The following SBF2 variants were observed in gnomAD, a reference collection of about 807,000 sequenced individuals.
SBF2 encodes the protein myotubularin-related protein 13.
Under a neutral mutation model 225.2 loss-of-function variants are expected in SBF2, and 112 were observed. The observed-to-expected ratio is 0.50, with a 90% confidence interval of 0.43 to 0.58. The LOEUF (loss-of-function observed/expected upper bound fraction) is 0.58, where lower values mean the gene tolerates loss of function less well. Ranked by LOEUF, SBF2 falls within the 20% of genes least tolerant of loss-of-function variation. The pLI is 0.00. For synonymous variants in SBF2, 763 were observed against 773.3 expected (o/e 0.99, Z 0.22); for missense variants, 1,996 against 2,206.2 (o/e 0.90, Z 1.91).
chr11:10,172,349 T>C (rs1223498219), intron 2 of SBF2, among the ~76,000 whole-genome samples: 1 of 152,020 alleles, frequency 6.6e-6, no homozygotes, highest in Admixed American at 6.6e-5. Flanking sequence ...ATTGTTTGTT[T>C]CAAAAAAAAA....
chr11:10,085,695 TAGC>T (rs1565212911), intron 2 of SBF2, among the ~76,000 whole-genome samples: 1 of 152,202 alleles, frequency 6.6e-6, no homozygotes, highest in African/African-American at 2.4e-5. Context: ...CTGTAATTTT[TAGC>T]AGCAGATTTC....
intron 1 of SBF2, among the ~76,000 whole-genome samples, chr11:10,238,182 G>T (rs1959154063): frequency 6.6e-6 from 1 of 152,178 alleles, no homozygotes. Flanking sequence ...ATGGAAGCAG[G>T]AAGACTGCTT....
At chr11:10,140,719 G>C (rs937347208) in intron 2 of SBF2, among the ~76,000 whole-genome samples, 1 of 152,166 alleles carries the variant, frequency 6.6e-6, no homozygotes, top group Non-Finnish European at 1.5e-5. Flanking sequence ...GTTTGGACTT[G>C]AGAGTGGCAT....
At chr11:9,796,084 C>A in intron 32 of SBF2, 127 bp from the exon 33 acceptor site, 1 of 931,722 alleles carries the variant, frequency 1.1e-6, no homozygotes, top group East Asian at 2.6e-5. Flanking sequence ...ATACCTGAAT[C>A]CCTACCATAA....
In SBF2 at chr11:9,928,923, C is replaced by G. The variant is rs1218798418; in HGVS notation, c.1861-32912G>C. On this transcript the variant is annotated intron_variant, in intron 16 of 39. Coordinates refer to ENST00000256190, the MANE Select transcript of SBF2 (RefSeq NM_030962.4). ...AATGATGTTAGATAAAAATTAAATT[C>G]AAGCAATTTTCTTGTTCGAGTTCAA... 2.0e-5 allele frequency: 8 copies of G among 404,232 alleles called. No homozygotes were observed. The East Asian group carries it at 5.2e-4, about 26-fold the overall frequency. The allele number at this position is 404,232 out of a possible 1,614,324, so 25.0% of individuals were successfully genotyped here. A position where few individuals can be genotyped will look rare whatever the true frequency, so the allele number is the denominator to read the frequency against.
At chr11:10,057,583 T>C (rs904114151) in intron 2 of SBF2, among the ~76,000 whole-genome samples, 27 of 152,124 alleles carry the variant, frequency 1.8e-4, no homozygotes, top group Admixed American at 1.2e-3. Flanking sequence ...GGGTGGAGCC[T>C]CCAGGAGTCA....
At chr11:9,949,018 C>T (rs1222862568) in intron 16 of SBF2, among the ~76,000 whole-genome samples, 2 of 152,026 alleles carry the variant, frequency 1.3e-5, no homozygotes, top group Non-Finnish European at 2.9e-5. Flanking sequence ...CATTACTTCT[C>T]TCCCTGAGCC....
At chr11:10,072,382 C>A (rs1950917368) in intron 2 of SBF2, among the ~76,000 whole-genome samples, 1 of 152,074 alleles carries the variant, frequency 6.6e-6, no homozygotes, top group African/African-American at 2.4e-5. Context: ...CTCTCAGGCC[C>A]AACAACCTAC....
chr11:9,974,338 G>A (rs960220076), intron 13 of SBF2, among the ~76,000 whole-genome samples: 11 of 152,094 alleles, frequency 7.2e-5, no homozygotes, highest in African/African-American at 2.7e-4. Context: ...ATGTTTAGAA[G>A]TATCTTTGGC....
chr11:10,257,840 T>C (rs1264963716), intron 1 of SBF2, among the ~76,000 whole-genome samples: 1 of 151,346 alleles, frequency 6.6e-6, no homozygotes, highest in Non-Finnish European at 1.5e-5. Flanking sequence ...CTATAAAAAC[T>C]AGAAAAATTA....
intron 2 of SBF2, among the ~76,000 whole-genome samples, chr11:10,193,598 C>A (rs57458435): frequency 0.011 from 1,623 of 152,102 alleles, 35 homozygotes; most frequent in African/African-American, 0.037. Context: ...GTAATCCGCC[C>A]GCCTTGGCCT....
At chr11:9,973,575 G>A (rs977655024) in intron 13 of SBF2, among the ~76,000 whole-genome samples, 3 of 152,106 alleles carry the variant, frequency 2.0e-5, no homozygotes, top group African/African-American at 7.2e-5. Context: ...TGCTTTAAGA[G>A]TATACTTTAG....
At chr11:10,087,433 A>G (rs1253639961) in intron 2 of SBF2, among the ~76,000 whole-genome samples, 1 of 152,216 alleles carries the variant, frequency 6.6e-6, no homozygotes, top group Non-Finnish European at 1.5e-5. Flanking sequence ...CAGCCAGTGA[A>G]TATTCTGCAA....
At chr11:9,855,272 C>G (rs185030614) in intron 19 of SBF2, among the ~76,000 whole-genome samples, 118 of 152,258 alleles carry the variant, frequency 7.7e-4, no homozygotes, top group Non-Finnish European at 2.4e-4. Flanking sequence ...AATGCTGATT[C>G]CAAGTTGTCT....
intron 28 of SBF2, among the ~76,000 whole-genome samples, chr11:9,820,621 C>G (rs1428400802): frequency 6.6e-6 from 1 of 152,194 alleles, no homozygotes; most frequent in South Asian, 2.1e-4. Context: ...CATTTCCTTA[C>G]CTGACACATT....
At chr11:10,075,857 A>C (rs1204306527) in intron 2 of SBF2, among the ~76,000 whole-genome samples, 2 of 152,186 alleles carry the variant, frequency 1.3e-5, no homozygotes, top group Non-Finnish European at 2.9e-5. Context: ...CCTGAGACAT[A>C]AAGGATGGGA....
At chr11:9,975,873 A>G (rs903320887) in intron 13 of SBF2, among the ~76,000 whole-genome samples, 5 of 150,968 alleles carry the variant, frequency 3.3e-5, no homozygotes, top group African/African-American at 1.2e-4. Flanking sequence ...AGTGTAGATG[A>G]CATGTAGTGA....
At chr11:9,821,169 G>C (rs1330386193) in intron 28 of SBF2, among the ~76,000 whole-genome samples, 1 of 152,192 alleles carries the variant, frequency 6.6e-6, no homozygotes, top group African/African-American at 2.4e-5. Flanking sequence ...ACATGTGCTT[G>C]TGAGGGCAGG....
chr11:10,262,945 A>G (rs1189247110), intron 1 of SBF2, among the ~76,000 whole-genome samples: 1 of 151,316 alleles, frequency 6.6e-6, no homozygotes, highest in Non-Finnish European at 1.5e-5. Context: ...TTACTACCAT[A>G]TAAGACGAAA....
Sources: gnomAD v4.1 joint callset for allele counts (sites outside exome capture counted in the v4.1 genomes callset) on GRCh38, gnomAD v4.1.1 for gene constraint, MANE v1.5 for transcripts, NCBI Gene and HGNC (gene_info 2026-07-23, HGNC 2026-07-21) for gene names.